The following ACVRL1 variants were observed in gnomAD, a reference collection of about 807,000 sequenced individuals.
ACVRL1 encodes the protein activin receptor type-1-like.
A neutral mutation model predicts 51.9 loss-of-function variants in ACVRL1; 20 were observed. That is an observed-to-expected ratio of 0.39 (90% CI 0.27 to 0.56). The LOEUF (loss-of-function observed/expected upper bound fraction) is 0.56. ACVRL1 is among the 20% of genes least tolerant of loss of function. The pLI, the probability that ACVRL1 is intolerant of heterozygous loss-of-function variation, is 0.67. For missense variants in ACVRL1, 451 were observed against 670.3 expected (o/e 0.67, Z 3.61); for synonymous variants, 288 against 280.9 (o/e 1.03, Z -0.25).
intron 2 of ACVRL1, among the ~76,000 whole-genome samples, chr12:51,912,747 G>A: frequency 6.6e-6 from 1 of 152,138 alleles, no homozygotes; most frequent in East Asian, 1.9e-4. Flanking sequence ...CTGCAGGCTG[G>A]AGCTCTGTCA....
rs1415082878 is a variant in ACVRL1 at position 51,915,322 on chromosome 12, G to A, written c.870G>A (p.Gln290=). The change falls in exon 7 of 10, where the codon CAG becomes CAA. Residue 290 remains glutamine (Q), a synonymous_variant. Coordinates refer to ENST00000388922, the MANE Select transcript of ACVRL1 (RefSeq NM_000020.3). ...ACGGCTCCCTCTACGACTTTCTGCA[G>A]AGACAGACGCTGGAGCCCCATCTGG... The part of the protein sequence containing the change: ...HEHGSLYDFL[Q]RQTLEPHLAL... The A allele has an allele frequency of 6.2e-7, 1 of 1,614,100 alleles. No individual in the cohort carries two copies. The highest frequency in any genetic ancestry group is 2.2e-5 in the East Asian group (1 of 44,898).
intron 1 of ACVRL1, among the ~76,000 whole-genome samples, chr12:51,908,269 C>T (rs1472126519): frequency 6.6e-6 from 1 of 152,166 alleles, no homozygotes; most frequent in Non-Finnish European, 1.5e-5. Context: ...CAGGCTGGGA[C>T]CCCAGATTTT....
intron 4 of ACVRL1, 58 bp downstream of exon 4, chr12:51,913,828 A>C: frequency 6.3e-7 from 1 of 1,595,878 alleles, no homozygotes; most frequent in African/African-American, 1.3e-5. Context: ...GAACTGCAGA[A>C]TCAGAGGGGT....
At chr12:51,910,549 A>AGTAGAGGTACGGACAGAGGATC (rs1246594686) in intron 1 of ACVRL1, among the ~76,000 whole-genome samples, 8 of 152,218 alleles carry the variant, frequency 5.3e-5, no homozygotes, top group African/African-American at 1.9e-4. Context: ...CGGCCAGAGA[A>AGTAGAGGTACGGACAGAGGATC]GTAGAGGTAC....
At chr12:51,915,150 C>G (rs1940798411) in intron 6 of ACVRL1, 75 bp from the exon 7 acceptor site, 1 of 1,549,318 alleles carries the variant, frequency 6.5e-7, no homozygotes. Context: ...CCCCCAACCC[C>G]ACCCTGACCC....
intron 8 of ACVRL1, among the ~76,000 whole-genome samples, chr12:51,918,444 G>T (rs1940893767): frequency 1.3e-5 from 2 of 152,236 alleles, no homozygotes; most frequent in African/African-American, 4.8e-5. Context: ...CTGCTGTGAG[G>T]ATTTCATGCA....
chr12:51,921,361 A>G lies in ACVRL1; in HGVS notation c.*468A>G. On this transcript the variant is annotated 3_prime_UTR_variant, in exon 10 of 10. Coordinates refer to ENST00000388922, the MANE Select transcript of ACVRL1 (RefSeq NM_000020.3). Reference sequence around the variant, plus strand: ...CCTGCCAGGCCTCAGCCTCTAGCATAAGCTCCAGAGAGCCAGGGCCCATCA... The same window carrying G: ...CCTGCCAGGCCTCAGCCTCTAGCATGAGCTCCAGAGAGCCAGGGCCCATCA... The G allele has an allele frequency of 4.2e-6, 1 of 239,282 alleles. No individual in the cohort carries two copies. Among genetic ancestry groups the G allele is most frequent in the South Asian group, 5.8e-5 (1 of 17,272 alleles). 14.8% of individuals were successfully genotyped at this position (239,282 alleles called of 1,614,324 possible).
intron 9 of ACVRL1, among the ~76,000 whole-genome samples, chr12:51,919,967 A>C (rs1442262489): frequency 1.3e-5 from 2 of 152,214 alleles, no homozygotes; most frequent in East Asian, 3.8e-4. Context: ...GGTGCTAATA[A>C]ATATTTACTG....
Position 51,913,633 on chromosome 12 carries a change from C to CAGGCCCTGG in ACVRL1, c.388_389insAGGCCCTGG (p.Leu130delinsGlnAlaLeuVal). The CAGGCCCTGG allele has an allele frequency of 3.1e-6, 5 of 1,605,390 alleles. No individual in the cohort carries two copies. Among genetic ancestry groups the CAGGCCCTGG allele is most frequent in the Non-Finnish European group, 4.2e-6 (5 of 1,179,946 alleles). On this transcript the variant is annotated protein_altering_variant, in exon 4 of 10. Transcript: ENST00000388922. ...GATCCTGGGCCCCGTGCTGGCCTTG[C>CAGGCCCTGG]TGGCCCTGGTGGCCCTGGGTGTCCT...
rs1359095143 is a variant in ACVRL1 at position 51,915,370 on chromosome 12, G to C, written c.918G>C (p.Ala306=). The part of the protein sequence containing the change: ...PHLALRLAVS[A]ACGLAHLHVE... ...TGGCTCTGAGGCTAGCTGTGTCCGC[G>C]GCATGCGGCCTGGCGCACCTGCACG... Residue 306 remains alanine, a synonymous_variant, in exon 7 of 10, where the codon GCG becomes GCC. Coordinates refer to ENST00000388922, the MANE Select transcript of ACVRL1 (RefSeq NM_000020.3). The C allele has an allele frequency of 6.2e-7, 1 of 1,613,948 alleles. No homozygotes were observed. Among genetic ancestry groups the C allele is most frequent in the African/African-American group, 1.3e-5 (1 of 74,954 alleles).
chr12:51,914,738 TTAATTTAATTTAA>T (rs1172372531), intron 6 of ACVRL1, among the ~76,000 whole-genome samples, 153 bp downstream of exon 6: 33 of 151,672 alleles, frequency 2.2e-4, no homozygotes, highest in African/African-American at 8.0e-4. Flanking sequence ...TTAATTTAAT[TTAATTTAATTTAA>T]TTTAATTTAA....
In ACVRL1 at chr12:51,915,332, C is replaced by G. The variant is rs143930271; in HGVS notation, c.880C>G (p.Leu294Val). ...CTACGACTTTCTGCAGAGACAGACG[C>G]TGGAGCCCCATCTGGCTCTGAGGCT... The part of the protein sequence containing the change: ...SLYDFLQRQT[L>V]EPHLALRLAV... The change falls in exon 7 of 10, where the codon CTG becomes GTG. Residue 294 changes from leucine to valine, a missense_variant. By Grantham distance (32) the Leu-to-Val change is conservative (BLOSUM62 1). This residue lies in a region of ACVRL1 where 259 missense variants were observed against 453.4 expected (regional missense o/e 0.57). Transcript: ENST00000388922. 6.2e-7 allele frequency: 1 copy of G among 1,614,086 alleles called. No homozygotes were observed. The highest frequency in any genetic ancestry group is 8.5e-7 in the Non-Finnish European group (1 of 1,180,060).
intron 9 of ACVRL1, 174 bp downstream of exon 9, chr12:51,919,289 CA>C (rs1292537324): frequency 1.1e-6 from 1 of 943,866 alleles, no homozygotes; most frequent in African/African-American, 1.7e-5. Flanking sequence ...TCCCTGCCCC[CA>C]GGGCCATCTG....
At chr12:51,920,347 C>T (rs573491986) in intron 9 of ACVRL1, among the ~76,000 whole-genome samples, 6 of 152,190 alleles carry the variant, frequency 3.9e-5, no homozygotes, top group Non-Finnish European at 8.8e-5. Flanking sequence ...AGAATCGGCC[C>T]CTTCCTATGG....
intron 2 of ACVRL1, among the ~76,000 whole-genome samples, chr12:51,912,831 G>A (rs1455100899): frequency 6.6e-6 from 1 of 152,110 alleles, no homozygotes; most frequent in Non-Finnish European, 1.5e-5. Flanking sequence ...AGAGCACTCA[G>A]GGCTGGGGCT....
At chr12:51,912,895 G>A (rs1940723595) in intron 2 of ACVRL1, among the ~76,000 whole-genome samples, 1 of 152,056 alleles carries the variant, frequency 6.6e-6, no homozygotes, top group African/African-American at 2.4e-5. Flanking sequence ...GCCAGGAGGG[G>A]ACAAAAGCCT....
chr12:51,913,710 C>T lies in ACVRL1; in HGVS notation c.465C>T (p.Ser155=), dbSNP rs143735377. ...AGGAGAAGCAGCGTGGCCTGCACAG[C>T]GAGCTGGGAGAGTCCAGTCTCATCC... is the stretch of plus-strand genomic sequence containing the variant. ...RRQEKQRGLH[S]ELGESSLILK... is the part of the protein sequence containing the mutation. Residue 155 remains serine (S), a synonymous_variant, in exon 4 of 10, where the codon AGC becomes AGT. Transcript: ENST00000388922. 93 of 1,611,926 alleles carry T rather than the reference C, an allele frequency of 5.8e-5. 1 individual carries two copies. Among genetic ancestry groups the T allele is most frequent in the African/African-American group, 1.3e-4 (10 of 75,054 alleles).
At position 51,919,168 on chromosome 12, in the gene ACVRL1, A is replaced by G. The variant is rs764992958; in HGVS notation, c.1377+53A>G. ...CGTGGGGTGGTGGCTCATGGCTGGG[A>G]TTTCTGGGCCCAGGAACTTGTGTCT... On this transcript the variant is annotated intron_variant, in intron 9 of 9. Coordinates refer to ENST00000388922, the MANE Select transcript of ACVRL1 (RefSeq NM_000020.3). The G allele has an allele frequency of 5.6e-6, 9 of 1,612,440 alleles. No individual in the cohort carries two copies. In the Admixed American group the frequency reaches 6.7e-5, roughly 12 times the overall value.
chr12:51,916,153 G>T lies in ACVRL1; in HGVS notation c.1166G>T (p.Cys389Phe), dbSNP rs1359814243. 1 of 1,614,120 alleles carries T rather than the reference G, an allele frequency of 6.2e-7. No individual in the cohort carries two copies. The highest frequency in any genetic ancestry group is 1.3e-5 in the African/African-American group (1 of 74,946). ...CTGGACGAGCAGATCCGCACGGACT[G>T]CTTTGAGTCCTACAAGTGGACTGAC... is the stretch of plus-strand genomic sequence containing the variant. Reference protein sequence around the residue: ...EVLDEQIRTDCFESYKWTDIW... With the variant: ...EVLDEQIRTDFFESYKWTDIW... The change falls in exon 8 of 10, where the codon TGC (cysteine) becomes TTC (phenylalanine). Residue 389 changes from cysteine (C) to phenylalanine (F), a missense_variant. Cys to Phe is a radical substitution (Grantham distance 205). Coordinates refer to ENST00000388922, the MANE Select transcript of ACVRL1 (RefSeq NM_000020.3).
Sources: allele counts gnomAD v4.1 joint callset (sites outside exome capture counted in the v4.1 genomes callset), GRCh38; gene constraint gnomAD v4.1.1; regional missense constraint gnomAD v4.1.1; transcripts MANE v1.5; gene names NCBI Gene and HGNC (gene_info 2026-07-23, HGNC 2026-07-21).